KANTR: variants seen among roughly 807,000 people sequenced by gnomAD.
KANTR encodes the protein KDM5C adjacent transcript.
At chrX:53,130,949 G>A (rs1194453185), downstream of KANTR, among the ~76,000 whole-genome samples, 1 of 111,249 alleles carries the variant, frequency 9.0e-6, no homozygotes, top group Non-Finnish European at 1.9e-5. Flanking sequence ...ACCATATGGG[G>A]GAACAGTGAC....
chrX:53,121,550 G>A (rs782435718), intron 2 of KANTR, among the ~76,000 whole-genome samples: 13 of 108,748 alleles, frequency 1.2e-4, no homozygotes, highest in East Asian at 5.7e-4. Context: ...TTCAGTTGTC[G>A]TGTCTCCATA....
chrX:53,112,086 C>T (rs1416670863), intron 2 of KANTR, among the ~76,000 whole-genome samples: 13 of 111,004 alleles, frequency 1.2e-4, no homozygotes, highest in African/African-American at 3.9e-4. Flanking sequence ...AAGCAGTATA[C>T]ACTATACCCA....
At chrX:53,109,347 C>T (rs1014908541) in intron 2 of KANTR, among the ~76,000 whole-genome samples, 1 of 112,119 alleles carries the variant, frequency 8.9e-6, no homozygotes, top group Non-Finnish European at 1.9e-5. Context: ...TGCAGTGGCG[C>T]GATCTCATCT....
At chrX:53,097,350 GTTTTTTT>G (rs781783647) in intron 1 of KANTR, among the ~76,000 whole-genome samples, 1 of 67,978 alleles carries the variant, frequency 1.5e-5, no homozygotes, top group Non-Finnish European at 2.6e-5. Flanking sequence ...TTTGTTTTAA[GTTTTTTT>G]TTTTTTTTTT....
chrX:53,105,846 GT>G (rs1409354341), intron 2 of KANTR, among the ~76,000 whole-genome samples: 4 of 82,692 alleles, frequency 4.8e-5, no homozygotes, highest in African/African-American at 9.3e-5. Context: ...CAGATAATAT[GT>G]TTTTTTCTTT....
At chrX:53,140,627 C>T (rs1299778440) in intron 2 of KANTR, among the ~76,000 whole-genome samples, 1 of 109,637 alleles carries the variant, frequency 9.1e-6, no homozygotes, top group Non-Finnish European at 1.9e-5. Flanking sequence ...GTTCATCACA[C>T]ATTAAGCACA....
exon 3 of KANTR, chrX:53,124,431 A>G: frequency 3.4e-6 from 1 of 295,497 alleles, no homozygotes; most frequent in South Asian, 2.0e-4. Context: ...CTATTTCTTT[A>G]ATTTCTGCTC....
chrX:53,121,198 C>T (rs1933214559), intron 2 of KANTR, among the ~76,000 whole-genome samples: 1 of 110,972 alleles, frequency 9.0e-6, no homozygotes, highest in African/African-American at 3.3e-5. Context: ...GGGGTTTCAC[C>T]ATGTTGGCCA....
chrX:53,105,093 C>T (rs2146721438), intron 2 of KANTR, among the ~76,000 whole-genome samples: 1 of 110,804 alleles, frequency 9.0e-6, no homozygotes, highest in East Asian at 2.9e-4. Context: ...CCATGTTGCC[C>T]AGGCTGGTCT....
chrX:53,101,491 G>A (rs1456892489), intron 2 of KANTR, among the ~76,000 whole-genome samples: 1 of 112,032 alleles, frequency 8.9e-6, no homozygotes, highest in South Asian at 3.7e-4. Context: ...TACTTCCTTT[G>A]ACTCGAATAC....
At chrX:53,142,286 T>TA (rs1209586721) in exon 3 of KANTR, 2 of 132,476 alleles carry the variant, frequency 1.5e-5, no homozygotes, top group Non-Finnish European at 2.9e-5. Context: ...TGATATCAGA[T>TA]ACAAGCTTCA....
chrX:53,104,408 G>T (rs1336972965), intron 2 of KANTR, among the ~76,000 whole-genome samples: 3 of 109,378 alleles, frequency 2.7e-5, no homozygotes, highest in Non-Finnish European at 5.7e-5. Context: ...TGTATTTTTA[G>T]TAGAGACGGG....
intron 2 of KANTR, among the ~76,000 whole-genome samples, chrX:53,140,676 A>G (rs1467388282): frequency 9.1e-6 from 1 of 110,436 alleles, no homozygotes; most frequent in Non-Finnish European, 1.9e-5. Flanking sequence ...TCCAAATTAG[A>G]AGTTTCCAAG....
chrX:53,112,855 G>A (rs781848892), intron 2 of KANTR, among the ~76,000 whole-genome samples: 91 of 111,122 alleles, frequency 8.2e-4, no homozygotes, highest in African/African-American at 2.7e-3. Context: ...CATGAACTCT[G>A]TAATTCAAAA....
chrX:53,117,009 C>T (rs1482905576), intron 2 of KANTR, among the ~76,000 whole-genome samples: 2 of 111,458 alleles, frequency 1.8e-5, no homozygotes, highest in Admixed American at 9.6e-5. Flanking sequence ...AGGCTGGGCG[C>T]GGCGGCTCAC....
chrX:53,105,057 G>T (rs1385393406), intron 2 of KANTR, among the ~76,000 whole-genome samples: 2 of 110,026 alleles, frequency 1.8e-5, no homozygotes, highest in African/African-American at 6.6e-5. Flanking sequence ...GCTAATTTTT[G>T]TATTTTTTGT....
At chrX:53,138,315 G>A (rs1479325281) in intron 2 of KANTR, among the ~76,000 whole-genome samples, 1 of 106,801 alleles carries the variant, frequency 9.4e-6, no homozygotes, top group Admixed American at 1.0e-4. Flanking sequence ...TGATCCGCCC[G>A]CCTCAGCCTC....
At chrX:53,108,136 G>A (rs186927935) in intron 2 of KANTR, among the ~76,000 whole-genome samples, 1,098 of 106,678 alleles carry the variant, frequency 0.01, 12 homozygotes, top group African/African-American at 0.036. Flanking sequence ...TGATCTGCCC[G>A]CCTCGGCCTC....
chrX:53,121,228 T>C (rs782768240), intron 2 of KANTR, among the ~76,000 whole-genome samples: 9 of 111,725 alleles, frequency 8.1e-5, no homozygotes, highest in South Asian at 7.5e-4. Context: ...CTCGAACTCC[T>C]GACCTCAGGT....
Sources: allele counts gnomAD v4.1 joint callset (sites outside exome capture counted in the v4.1 genomes callset), GRCh38; gene constraint gnomAD v4.1.1; transcripts MANE v1.5; gene names NCBI Gene and HGNC (gene_info 2026-07-23, HGNC 2026-07-21).